The following RBFOX1 variants were observed in gnomAD, a reference collection of about 807,000 sequenced individuals.
RBFOX1 encodes the protein RNA binding protein fox-1 homolog 1.
A neutral mutation model predicts 57.7 loss-of-function variants in RBFOX1; 8 were observed. The ratio of observed to expected loss-of-function variants is 0.14; its 90% CI spans 0.08 to 0.25. The LOEUF (loss-of-function observed/expected upper bound fraction) is 0.25, where lower values mean the gene tolerates loss of function less well. Among genes scored for constraint, RBFOX1 ranks in the 10% least tolerant of loss-of-function variants. RBFOX1 has a pLI of 1.00. For synonymous variants in RBFOX1, 326 were observed against 222.4 expected (o/e 1.47, Z -4.15); for missense variants, 611 against 548.5 (o/e 1.11, Z -1.14).
chr16:7,693,384 C>CTT lies in RBFOX1; in HGVS notation c.996-15671_996-15670dup, dbSNP rs752313957. On this transcript the variant is annotated intron_variant, in intron 14 of 15. Transcript: ENST00000550418. ...CCTCTGCAGGTAACAAACGTTGCTA[C>CTT]TTCTTGATGCATCCATCCAAGTCTC... The CTT allele has an allele frequency of 8.1e-6, 12 of 1,488,836 alleles. No individual in the cohort carries two copies. The South Asian group carries it at 1.4e-4, about 17-fold the overall frequency. 92.2% of individuals were successfully genotyped at this position (1,488,836 alleles called of 1,614,324 possible).
At position 6,856,816 on chromosome 16, in the gene RBFOX1, C is replaced by G. The variant is rs189526771; in HGVS notation, c.-15-195241C>G. On this transcript the variant is annotated intron_variant, in intron 3 of 15. Coordinates refer to ENST00000550418, the MANE Select transcript of RBFOX1 (RefSeq NM_018723.4). ...GTAACAGTTGGCATTTTAAGCATTG[C>G]GATTGTCAAACCACTGATTGACAGA... Among the ~76,000 whole-genome samples, 15 of 152,092 alleles carry G rather than the reference C, an allele frequency of 9.9e-5. 1 individual carries two copies. In the East Asian group the frequency reaches 2.1e-3, roughly 22 times the overall value.
chr16:6,998,404 C>A (rs9934836), intron 3 of RBFOX1, among the ~76,000 whole-genome samples: 31,385 of 151,754 alleles, frequency 0.21, 3,614 homozygotes, highest in Middle Eastern at 0.33. Context: ...CTGAAGGGGG[C>A]AAAATGAAGC....
At chr16:7,476,502 G>T (rs1010362614) in intron 4 of RBFOX1, among the ~76,000 whole-genome samples, 1 of 152,124 alleles carries the variant, frequency 6.6e-6, no homozygotes, top group African/African-American at 2.4e-5. Flanking sequence ...GGTATAACTT[G>T]CCCAGGTTCA....
chr16:7,649,416 C>G (rs1457572098), intron 11 of RBFOX1, among the ~76,000 whole-genome samples: 1 of 152,186 alleles, frequency 6.6e-6, no homozygotes, highest in East Asian at 1.9e-4. Context: ...AATCTGTTTC[C>G]TTAACCACAA....
chr16:6,922,250 C>T (rs1473576878), intron 3 of RBFOX1, among the ~76,000 whole-genome samples: 1 of 152,054 alleles, frequency 6.6e-6, no homozygotes, highest in Non-Finnish European at 1.5e-5. Flanking sequence ...TCAGAAAGAC[C>T]TGAGCATCCT....
chr16:6,998,374 T>C (rs2092449461), intron 3 of RBFOX1, among the ~76,000 whole-genome samples: 1 of 152,114 alleles, frequency 6.6e-6, no homozygotes, highest in Non-Finnish European at 1.5e-5. Context: ...AATAAGATGC[T>C]ACAGATGGTG....
chr16:6,078,542 C>G (rs1475440271), intron 1 of RBFOX1, among the ~76,000 whole-genome samples: 3 of 152,160 alleles, frequency 2.0e-5, no homozygotes, highest in African/African-American at 4.8e-5. Context: ...AGTCCTAACT[C>G]TACTCATTTC....
chr16:7,153,682 G>A (rs1015753290), intron 4 of RBFOX1, among the ~76,000 whole-genome samples: 14 of 147,856 alleles, frequency 9.5e-5, no homozygotes, highest in African/African-American at 3.0e-4. Flanking sequence ...CCCTGAAGTC[G>A]GAGGTTGCAT....
At chr16:6,650,238 G>C (rs2098573927) in intron 2 of RBFOX1, among the ~76,000 whole-genome samples, 1 of 152,050 alleles carries the variant, frequency 6.6e-6, no homozygotes, top group Non-Finnish European at 1.5e-5. Context: ...CATGTACCTT[G>C]CTTCTCCAGG....
rs1370665638 is a variant in RBFOX1, at chr16:7,029,073, TATATATATACACACAC to T, written c.-15-22982_-15-22967del. ...ATATATATATATATATATATATATA[TATATATATACACACAC>T]ACACACACACACACACACACACACA... On this transcript the variant is annotated intron_variant, in intron 3 of 15. Coordinates refer to ENST00000550418, the MANE Select transcript of RBFOX1 (RefSeq NM_018723.4). Among the ~76,000 whole-genome samples the T allele has an allele frequency of 2.8e-4, 13 of 45,618 alleles. 2 individuals carry two copies. Among genetic ancestry groups the T allele is most frequent in the African/African-American group, 2.8e-3 (13 of 4,698 alleles). 29.9% of individuals were successfully genotyped at this position (45,618 alleles called of 152,430 possible).
intron 1 of RBFOX1, among the ~76,000 whole-genome samples, chr16:6,139,652 T>C (rs1280494185): frequency 6.6e-6 from 1 of 152,236 alleles, no homozygotes; most frequent in East Asian, 1.9e-4. Context: ...TCCTCTGTGA[T>C]TGTCCATGAA....
rs368963307 is a variant in RBFOX1 at position 5,285,860 on chromosome 16, C to T, written c.219+45755C>T. Among the ~76,000 whole-genome samples the T allele has an allele frequency of 6.7e-3, 1,014 of 152,262 alleles. 2 individuals carry two copies. Among genetic ancestry groups the T allele is most frequent in the Middle Eastern group, 0.058 (17 of 294 alleles). ...AATCTCAGCTCACTGTAACCTCTGC[C>T]TCCCGGGTTCAAGCGATTCTCCTGC... On this transcript the variant is annotated intron_variant, in intron 1 of 2. Transcript: ENST00000585867.
chr16:7,701,546 G>A (rs553548618), intron 14 of RBFOX1, among the ~76,000 whole-genome samples: 1 of 152,174 alleles, frequency 6.6e-6, no homozygotes, highest in Non-Finnish European at 1.5e-5. Context: ...CTGGTCTGTG[G>A]AAAAACTGTC....
At chr16:7,148,737 C>G (rs1601027740) in intron 4 of RBFOX1, among the ~76,000 whole-genome samples, 1 of 152,174 alleles carries the variant, frequency 6.6e-6, no homozygotes, top group South Asian at 2.1e-4. Flanking sequence ...ATCGTTTGAG[C>G]AGAAACCCGA....
chr16:6,942,852 C>T (rs1418120187), intron 3 of RBFOX1, among the ~76,000 whole-genome samples: 1 of 152,192 alleles, frequency 6.6e-6, no homozygotes, highest in African/African-American at 2.4e-5. Flanking sequence ...GGAGGACAGT[C>T]CTTCTACATG....
Position 6,209,836 on chromosome 16 carries a change from C to G in RBFOX1, c.-126-107159C>G, listed in dbSNP as rs567314732. Among the ~76,000 whole-genome samples, 15 of 152,286 alleles carry G rather than the reference C, an allele frequency of 9.8e-5. No individual in the cohort carries two copies. In the East Asian group the frequency reaches 2.9e-3, roughly 29 times the overall value. On this transcript the variant is annotated intron_variant, in intron 1 of 15. Transcript: ENST00000550418. ...TGTCCTACAGTGAGGCAGAGGGAAT[C>G]GATAGAAACATGGTATGAAGGTCTA...
chr16:7,311,947 G>T (rs556056842), intron 4 of RBFOX1, among the ~76,000 whole-genome samples: 3 of 152,236 alleles, frequency 2.0e-5, no homozygotes, highest in African/African-American at 7.2e-5. Flanking sequence ...TTTATTTGGG[G>T]ACTTAATTGC....
chr16:6,851,691 A>C (rs2094075486), intron 3 of RBFOX1, among the ~76,000 whole-genome samples: 1 of 152,148 alleles, frequency 6.6e-6, no homozygotes, highest in Non-Finnish European at 1.5e-5. Flanking sequence ...GTGAGATAAC[A>C]ATTTCAATGC....
At chr16:5,611,705 C>CCCATCTGTCCATCTATCCAT (rs1555481955) in intron 3 of RBFOX1, among the ~76,000 whole-genome samples, 2 of 100,128 alleles carry the variant, frequency 2.0e-5, no homozygotes, top group Non-Finnish European at 3.8e-5. Flanking sequence ...CACCCACTCT[C>CCCATCTGTCCATCTATCCAT]CCATCCATCC....
Sources: allele counts gnomAD v4.1 joint callset (sites outside exome capture counted in the v4.1 genomes callset), GRCh38; gene constraint gnomAD v4.1.1; transcripts MANE v1.5; gene names NCBI Gene and HGNC (gene_info 2026-07-23, HGNC 2026-07-21).